BRINP3: variants seen among roughly 807,000 people sequenced by gnomAD.
BRINP3 encodes BMP/retinoic acid inducible neural specific 3.
BRINP3 carries 19 observed loss-of-function variants against 71.0 expected under a neutral mutation model. The observed-to-expected ratio is 0.27, with a 90% CI of 0.19 to 0.39. The LOEUF is 0.39. Among genes scored for constraint, BRINP3 ranks in the 10% least tolerant of loss-of-function variants. The pLI, the probability that BRINP3 is intolerant of heterozygous loss-of-function variation, is 1.00. For missense variants in BRINP3, 959 were observed against 940.8 expected (o/e 1.02, Z -0.25); for synonymous variants, 380 against 337.7 (o/e 1.13, Z -1.37).
At chr1:190,378,735 T>C (rs567492879) in intron 2 of BRINP3, among the ~76,000 whole-genome samples, 94 of 152,300 alleles carry the variant, frequency 6.2e-4, no homozygotes, top group Middle Eastern at 6.8e-3. Flanking sequence ...TTAAGTGGTC[T>C]GGCTAGAACC....
intron 4 of BRINP3, among the ~76,000 whole-genome samples, chr1:190,254,082 T>G (rs1026684592): frequency 3.3e-5 from 5 of 152,270 alleles, no homozygotes; most frequent in Admixed American, 6.5e-5. Context: ...GTTTTAGATG[T>G]GTGGTGCTAT....
intron 4 of BRINP3, among the ~76,000 whole-genome samples, chr1:190,247,693 C>T (rs1036198145): frequency 6.6e-6 from 1 of 151,564 alleles, no homozygotes; most frequent in Non-Finnish European, 1.5e-5. Flanking sequence ...TACCTCTCTA[C>T]TTTCAGGAAT....
chr1:190,360,309 A>C (rs925019515), intron 2 of BRINP3, among the ~76,000 whole-genome samples: 2 of 152,178 alleles, frequency 1.3e-5, no homozygotes, highest in Admixed American at 6.5e-5. Context: ...TTTGATATTG[A>C]AAGGGGATAT....
At chr1:190,374,609 G>A (rs1021459346) in intron 2 of BRINP3, among the ~76,000 whole-genome samples, 2 of 151,852 alleles carry the variant, frequency 1.3e-5, no homozygotes, top group Admixed American at 6.6e-5. Flanking sequence ...AGTGGGGTGT[G>A]AAATTAAAAC....
chr1:190,375,828 A>T (rs781756974), intron 2 of BRINP3, among the ~76,000 whole-genome samples: 24 of 152,018 alleles, frequency 1.6e-4, no homozygotes, highest in Non-Finnish European at 3.4e-4. Context: ...ACTGGTTTTC[A>T]CTATTTTGAG....
At chr1:190,305,880 T>A (rs893254800) in intron 2 of BRINP3, among the ~76,000 whole-genome samples, 2 of 151,884 alleles carry the variant, frequency 1.3e-5, no homozygotes, top group African/African-American at 4.8e-5. Flanking sequence ...TGTGTACATA[T>A]ATCAAACATA....
chr1:190,251,718 A>T (rs1660156506), intron 4 of BRINP3, among the ~76,000 whole-genome samples: 1 of 152,022 alleles, frequency 6.6e-6, no homozygotes, highest in South Asian at 2.1e-4. Context: ...AATCAAATTC[A>T]GAACAATATG....
intron 7 of BRINP3, among the ~76,000 whole-genome samples, chr1:190,134,163 G>A (rs1043880644): frequency 7.2e-5 from 11 of 152,182 alleles, no homozygotes; most frequent in Admixed American, 5.9e-4. Context: ...TAATACATGA[G>A]GTCTACGGTG....
chr1:190,425,383 G>A (rs1673635924), intron 2 of BRINP3, among the ~76,000 whole-genome samples: 2 of 151,858 alleles, frequency 1.3e-5, no homozygotes, highest in African/African-American at 4.8e-5. Context: ...CATAGATTTT[G>A]TCTCAACATA....
At chr1:190,238,998 C>T (rs1054087374) in intron 4 of BRINP3, among the ~76,000 whole-genome samples, 5 of 152,044 alleles carry the variant, frequency 3.3e-5, no homozygotes, top group African/African-American at 1.2e-4. Context: ...AAATCATGGC[C>T]GAAGGCAGAA....
intron 2 of BRINP3, among the ~76,000 whole-genome samples, chr1:190,413,939 T>C (rs904808738): frequency 1.3e-5 from 2 of 152,110 alleles, no homozygotes; most frequent in Non-Finnish European, 2.9e-5. Context: ...ATATTAAGAT[T>C]ATGGATAATT....
At chr1:190,371,111 T>C (rs1040765980) in intron 2 of BRINP3, among the ~76,000 whole-genome samples, 2 of 152,124 alleles carry the variant, frequency 1.3e-5, no homozygotes, top group Non-Finnish European at 2.9e-5. Flanking sequence ...AAATATTTTA[T>C]CCAAATTTGT....
At chr1:190,268,566 G>T (rs2102888252) in intron 3 of BRINP3, among the ~76,000 whole-genome samples, 1 of 152,196 alleles carries the variant, frequency 6.6e-6, no homozygotes, top group East Asian at 1.9e-4. Flanking sequence ...TGTAAACCTA[G>T]AAGAGAATGC....
At chr1:190,099,339 TG>T (rs1557964996) in intron 7 of BRINP3, among the ~76,000 whole-genome samples, 2 of 151,888 alleles carry the variant, frequency 1.3e-5, no homozygotes, top group African/African-American at 4.8e-5. Flanking sequence ...GACGTGTGTA[TG>T]TATATTCCAT....
intron 6 of BRINP3, among the ~76,000 whole-genome samples, chr1:190,190,057 G>C (rs1653897820): frequency 6.6e-6 from 1 of 152,140 alleles, no homozygotes; most frequent in Non-Finnish European, 1.5e-5. Context: ...GGCTGCCTGG[G>C]ACCTTGGGCG....
At chr1:190,476,941 C>T (rs1273734857) in intron 1 of BRINP3, among the ~76,000 whole-genome samples, 3 of 152,176 alleles carry the variant, frequency 2.0e-5, no homozygotes, top group Non-Finnish European at 4.4e-5. Flanking sequence ...TTGCTAAATT[C>T]ATAAAAATAC....
chr1:190,097,927 C>T lies in BRINP3; in HGVS notation c.*91G>A. The T allele has an allele frequency of 7.4e-7, 1 of 1,352,490 alleles. No individual in the cohort carries two copies. Among genetic ancestry groups the T allele is most frequent in the Non-Finnish European group, 1.0e-6 (1 of 994,148 alleles). 83.8% of individuals were successfully genotyped at this position (1,352,490 alleles called of 1,614,324 possible). On this transcript the variant is annotated 3_prime_UTR_variant, in exon 8 of 8. Transcript: ENST00000367462. ...TGATATAAGACAGATATTGAAAAGA[C>T]AATTTAAATTTACTCTTCCAAACAT...
intron 2 of BRINP3, among the ~76,000 whole-genome samples, chr1:190,321,737 T>C (rs1427727431): frequency 6.6e-6 from 1 of 152,106 alleles, no homozygotes; most frequent in Non-Finnish European, 1.5e-5. Flanking sequence ...AATGTATTTG[T>C]TTTTGAAAAT....
intron 1 of BRINP3, among the ~76,000 whole-genome samples, chr1:190,476,283 A>G (rs1411912249): frequency 2.0e-5 from 3 of 151,310 alleles, no homozygotes; most frequent in Admixed American, 2.0e-4. Flanking sequence ...AAAAGCGTGA[A>G]CAATAGGTTC....
Sources: allele counts gnomAD v4.1 joint callset (sites outside exome capture counted in the v4.1 genomes callset), GRCh38; gene constraint gnomAD v4.1.1; transcripts MANE v1.5; gene names NCBI Gene and HGNC (gene_info 2026-07-23, HGNC 2026-07-21).